The following ERMP1 variants were observed in gnomAD, a reference collection of about 807,000 sequenced individuals.
The protein encoded by ERMP1 is Felix-ina.
In ERMP1, 86 loss-of-function variants were observed where a neutral mutation model predicts 92.0. The observed-to-expected ratio is 0.93, with a 90% CI of 0.79 to 1.12. ERMP1 has a LOEUF of 1.12. Among genes scored for constraint, ERMP1 ranks in the 50% most tolerant of loss-of-function variants. ERMP1 has a pLI of 0.00. For missense variants in ERMP1, 1,342 were observed against 1,116.3 expected (o/e 1.20, Z -2.88); for synonymous variants, 530 against 412.8 (o/e 1.28, Z -3.44).
chr9:5,835,919 A>G (rs1563777071), upstream of ERMP1, among the ~76,000 whole-genome samples: 2 of 152,264 alleles, frequency 1.3e-5, no homozygotes, highest in African/African-American at 4.8e-5. Flanking sequence ...ATTGGAACAC[A>G]TGCTCTAGTT....
Position 5,832,728 on chromosome 9 carries a change from G to C in ERMP1, c.300C>G (p.Ala100=), listed in dbSNP as rs1131727. The part of the protein sequence containing the change: ...LSLQQLVLRG[A]AGHRGEFDAL... Reference sequence around the variant, plus strand: ...CGTCGAACTCCCCGCGGTGTCCAGCGGCCCCGCGTAGCACGAGCTGCTGCA... The same window carrying C: ...CGTCGAACTCCCCGCGGTGTCCAGCCGCCCCGCGTAGCACGAGCTGCTGCA... The change falls in exon 1 of 15, where the codon GCC becomes GCG. Residue 100 remains alanine, a synonymous_variant. Coordinates refer to ENST00000339450, the MANE Select transcript of ERMP1 (RefSeq NM_024896.3). The C allele has an allele frequency of 0.36, 533,393 of 1,491,478 alleles. 102,278 individuals are homozygous for C. The highest frequency in any genetic ancestry group is 0.75 in the East Asian group (26,094 of 34,712). The allele number at this position is 1,491,478 out of a possible 1,614,324, so 92.4% of individuals were successfully genotyped here. A position where few individuals can be genotyped will look rare whatever the true frequency, so the allele number is the denominator to read the frequency against.
chr9:5,853,988 T>C (rs1161423850), intron 6 of ERMP1, among the ~76,000 whole-genome samples: 1 of 151,850 alleles, frequency 6.6e-6, no homozygotes, highest in East Asian at 1.9e-4. Context: ...TTTACATAAA[T>C]GGGGGCTTCA....
At chr9:5,799,612 G>A (rs556433700) in intron 11 of ERMP1, among the ~76,000 whole-genome samples, 125 of 152,098 alleles carry the variant, frequency 8.2e-4, no homozygotes, top group African/African-American at 2.9e-3. Context: ...TTTTATATAC[G>A]AACCATTATT....
intron 8 of ERMP1, among the ~76,000 whole-genome samples, chr9:5,808,083 C>G (rs1828937877): frequency 6.6e-6 from 1 of 152,116 alleles, no homozygotes; most frequent in Non-Finnish European, 1.5e-5. Flanking sequence ...CCTTGGCCTC[C>G]CAATGTTGGG....
chr9:5,839,851 T>C (rs1830139045), intron 6 of ERMP1, among the ~76,000 whole-genome samples: 1 of 152,140 alleles, frequency 6.6e-6, no homozygotes, highest in East Asian at 1.9e-4. Context: ...CAAAGTGTGG[T>C]CTGAGGACCA....
chr9:5,788,680 A>T (rs1828041046), intron 13 of ERMP1, among the ~76,000 whole-genome samples: 1 of 151,894 alleles, frequency 6.6e-6, no homozygotes, highest in Admixed American at 6.5e-5. Flanking sequence ...ACCAAAAAAA[A>T]GTATCAGAAA....
At chr9:5,831,086 G>A (rs1829920988) in intron 1 of ERMP1, 58 bp from the exon 2 acceptor site, 3 of 1,441,862 alleles carry the variant, frequency 2.1e-6, no homozygotes, top group East Asian at 4.6e-5. Flanking sequence ...CTTAGCGTGG[G>A]TAACTTTTCC....
intron 10 of ERMP1, 70 bp downstream of exon 10, chr9:5,804,957 G>T: frequency 1.6e-6 from 2 of 1,216,380 alleles, no homozygotes; most frequent in South Asian, 1.4e-5. Flanking sequence ...CTATTTCACA[G>T]AATCTAGTAT....
Position 5,830,798 on chromosome 9 carries a change from A to T in ERMP1, c.569T>A (p.Leu190Gln). The T allele has an allele frequency of 6.2e-7, 1 of 1,614,192 alleles. No individual in the cohort carries two copies. The stretch of plus-strand genomic sequence containing the variant: ...ATGCTGGGCTCCATCTCTGGGTTCC[A>T]GCTTTACCACAACATTGGTGATGTT... The part of the protein sequence containing the change: ...YDNITNVVVK[L>Q]EPRDGAQHAV... Residue 190 changes from leucine (L) to glutamine (Q), a missense_variant, in exon 2 of 15, where the codon CTG (leucine) becomes CAG (glutamine). Leu to Gln is a moderately radical substitution (Grantham distance 113, BLOSUM62 -2). Transcript: ENST00000339450.
In ERMP1 at chr9:5,787,236, T is replaced by G. The variant is rs1322198270; in HGVS notation, c.2623A>C (p.Arg875=). The part of the protein sequence containing the change: ...AAHYLSGEDK[R]SPQLDALKEK... ...TTCAGAGCATCCAGTTGAGGGGATC[T>G]CTTGTCTTCCCCAGACAGATAGTGG... Residue 875 remains arginine, a synonymous_variant, in exon 15 of 15, where the codon AGA becomes CGA. Coordinates refer to ENST00000339450, the MANE Select transcript of ERMP1 (RefSeq NM_024896.3). The G allele has an allele frequency of 6.2e-7, 1 of 1,614,084 alleles. No individual in the cohort carries two copies. Among genetic ancestry groups the G allele is most frequent in the Non-Finnish European group, 8.5e-7 (1 of 1,179,982 alleles).
chr9:5,815,173 G>A (rs548922004), intron 4 of ERMP1, among the ~76,000 whole-genome samples: 2 of 152,018 alleles, frequency 1.3e-5, no homozygotes, highest in Non-Finnish European at 2.9e-5. Context: ...AATTCAAAAA[G>A]GTCTACAAAC....
Position 5,798,938 on chromosome 9 carries a change from C to T in ERMP1, c.2138G>A (p.Gly713Glu), listed in dbSNP as rs753862590. The change falls in exon 12 of 15, where the codon GGG becomes GAG. Residue 713 changes from glycine to glutamate, a missense_variant. By Grantham distance (98) the Gly-to-Glu change is moderately conservative. Coordinates refer to ENST00000339450, the MANE Select transcript of ERMP1 (RefSeq NM_024896.3). ...VKRDSGIWIN[G>E]FDYTGISHIT... ...GTGAGAAATTCCAGTATAATCAAAC[C>T]CATTGATCCATATTCCAGAGTCCCG... 1 of 1,612,988 alleles carries T rather than the reference C, an allele frequency of 6.2e-7. No homozygotes were observed. Among genetic ancestry groups the T allele is most frequent in the Admixed American group, 1.7e-5 (1 of 60,028 alleles).
At chr9:5,855,462 C>T (rs1830362655) in intron 6 of ERMP1, among the ~76,000 whole-genome samples, 2 of 152,230 alleles carry the variant, frequency 1.3e-5, no homozygotes, top group Non-Finnish European at 2.9e-5. Context: ...GAACCAAAGA[C>T]CACCACCATC....
In ERMP1 at chr9:5,832,569, G is replaced by T. The variant is rs905506564; in HGVS notation, c.338+121C>A. 9 of 759,406 alleles carry T rather than the reference G, an allele frequency of 1.2e-5. No individual in the cohort carries two copies. The East Asian group carries it at 3.1e-4, about 26-fold the overall frequency. The allele number at this position is 759,406 out of a possible 1,614,324, so 47.0% of individuals were successfully genotyped here. ...GTCACCCCACCCCACGTGCAGCCTG[G>T]GAGGGGTCAGCGAGTCCCAGCGGTC... On this transcript the variant is annotated intron_variant, in intron 1 of 14. Coordinates refer to ENST00000339450, the MANE Select transcript of ERMP1 (RefSeq NM_024896.3).
At chr9:5,850,474 GGTGGTTGGGGGAATTGGGAGGGAGCAT>G in intron 6 of ERMP1, among the ~76,000 whole-genome samples, 1 of 151,602 alleles carries the variant, frequency 6.6e-6, no homozygotes, top group South Asian at 2.1e-4. Flanking sequence ...GGCCTTCTGG[GGTGGTTGGGGGAATTGGGAGGGAGCAT>G]GTGGCTGAGG....
Position 5,798,895 on chromosome 9 carries a change from A to G in ERMP1, c.2181T>C (p.Pro727=). 1 of 1,612,966 alleles carries G rather than the reference A, an allele frequency of 6.2e-7. No homozygotes were observed. Among genetic ancestry groups the G allele is most frequent in the Non-Finnish European group, 8.5e-7 (1 of 1,178,920 alleles). The part of the protein sequence containing the change: ...TGISHITPHI[P]EINDSIRAHC... ...GAGCTCGGATACTATCATTGATCTC[A>G]GGAATGTGAGGGGTTATGTGAGAAA... Residue 727 remains proline, a synonymous_variant, in exon 12 of 15, where the codon CCT becomes CCC. Transcript: ENST00000339450.
intron 13 of ERMP1, among the ~76,000 whole-genome samples, chr9:5,793,901 T>C (rs1262034597): frequency 6.6e-6 from 1 of 152,026 alleles, no homozygotes; most frequent in African/African-American, 2.4e-5. Context: ...TCAGTAAAAA[T>C]ATAATTGAAC....
In ERMP1 at chr9:5,787,445, G is replaced by C; in HGVS notation, c.2535C>G (p.Phe845Leu). The change falls in exon 14 of 15, where the codon TTC (phenylalanine) becomes TTG (leucine). Residue 845 changes from phenylalanine (F) to leucine (L), a missense_variant. Transcript: ENST00000339450. The stretch of plus-strand genomic sequence containing the variant: ...AAATTGGCACCTGCACTTCTATCCA[G>C]AACTGCCATGCAGAGGCCTGGAGTC... ...SHGLQASAWQFWIEVQVSEEH... is the reference protein window; with the variant it reads ...SHGLQASAWQLWIEVQVSEEH... 3 of 1,613,268 alleles carry C rather than the reference G, an allele frequency of 1.9e-6. No individual in the cohort carries two copies. The highest frequency in any genetic ancestry group is 1.7e-6 in the Non-Finnish European group (2 of 1,179,798).
chr9:5,785,942 C>G lies in ERMP1; in HGVS notation c.*1202G>C, dbSNP rs909617087. 6.6e-6 allele frequency: 1 copy of G among 152,232 alleles called. No homozygotes were observed. Among genetic ancestry groups the G allele is most frequent in the Non-Finnish European group, 1.5e-5 (1 of 68,064 alleles). The allele number at this position is 152,232 out of a possible 1,614,324, so 9.4% of individuals were successfully genotyped here. ...AACCAAAAAGCCATGAGAGGTACTG[C>G]TGTGATACACCTTACAAGCTACATA... is the stretch of plus-strand genomic sequence containing the variant. On this transcript the variant is annotated 3_prime_UTR_variant, in exon 15 of 15. Transcript: ENST00000339450.
Sources: gnomAD v4.1 joint callset for allele counts (sites outside exome capture counted in the v4.1 genomes callset) on GRCh38, gnomAD v4.1.1 for gene constraint, MANE v1.5 for transcripts, NCBI Gene and HGNC (gene_info 2026-07-23, HGNC 2026-07-21) for gene names.